The following LGSN variants were observed in gnomAD, a reference collection of about 807,000 sequenced individuals.
LGSN encodes the protein lengsin.
Under a neutral mutation model 19.5 loss-of-function variants are expected in LGSN, and 21 were observed. That is an observed-to-expected ratio of 1.07 (90% CI 0.76 to 1.55). The LOEUF (loss-of-function observed/expected upper bound fraction) is 1.55, where lower values mean the gene tolerates loss of function less well. Ranked by LOEUF, LGSN falls within the 40% of genes most tolerant of loss-of-function variation. LGSN has a pLI of 0.00. For missense variants in LGSN, 673 were observed against 608.5 expected, an observed-to-expected ratio of 1.11 and a Z score of -1.12; for synonymous variants, 257 against 215.6, an observed-to-expected ratio of 1.19 and a Z score of -1.68.
At chr6:63,386,430 G>C in the LGSN span, among the ~76,000 whole-genome samples, 2 of 151,834 alleles carry the variant, frequency 1.3e-5, no homozygotes, top group South Asian at 4.2e-4. Context: ...TTGCTTACTT[G>C]TTTGTTTGTT....
At chr6:63,338,319 TG>T in the LGSN span, among the ~76,000 whole-genome samples, 1 of 152,190 alleles carries the variant, frequency 6.6e-6, no homozygotes, top group Admixed American at 6.5e-5. Context: ...GGGTTTGGGT[TG>T]GGGGTACAGC....
the LGSN span, among the ~76,000 whole-genome samples, chr6:63,352,426 G>C: frequency 2.0e-5 from 3 of 152,126 alleles, no homozygotes; most frequent in Non-Finnish European, 4.4e-5. Context: ...CACTTTGGGA[G>C]GCTGAGGCAG....
the LGSN span, among the ~76,000 whole-genome samples, chr6:63,416,920 T>C: frequency 2.7e-5 from 2 of 73,334 alleles, no homozygotes; most frequent in East Asian, 4.0e-4. Flanking sequence ...TGTATGTACA[T>C]ACATATGTAT....
chr6:63,458,559 C>T, the LGSN span, among the ~76,000 whole-genome samples: 3 of 152,032 alleles, frequency 2.0e-5, no homozygotes, highest in Non-Finnish European at 2.9e-5. Context: ...AGTTGAAAGC[C>T]TGAAGATCTC....
chr6:63,572,333 G>C, the LGSN span: 1 of 261,692 alleles, frequency 3.8e-6, no homozygotes, highest in African/African-American at 2.2e-5. Context: ...GTTCACACCG[G>C]CGGCGGCCGC....
the LGSN span, among the ~76,000 whole-genome samples, chr6:63,417,238 C>T: frequency 2.0e-5 from 3 of 152,134 alleles, no homozygotes; most frequent in Non-Finnish European, 2.9e-5. Context: ...CAATTCCTTT[C>T]CATGGCTGCA....
chr6:63,495,567 A>C, the LGSN span, among the ~76,000 whole-genome samples: 1 of 139,982 alleles, frequency 7.1e-6, no homozygotes, highest in Non-Finnish European at 1.5e-5. Context: ...CTCCTGCCTC[A>C]GCCTCCCTAG....
the LGSN span, among the ~76,000 whole-genome samples, chr6:63,401,278 T>TGATCCCAGCTACTTGGGAGGCTGAGGTG: frequency 6.6e-6 from 1 of 151,680 alleles, no homozygotes; most frequent in Non-Finnish European, 1.5e-5. Flanking sequence ...CACATGCCTG[T>TGATCCCAGCTACTTGGGAGGCTGAGGTG]GATCCCAGCT....
At chr6:63,526,045 C>A in the LGSN span, among the ~76,000 whole-genome samples, 3 of 152,286 alleles carry the variant, frequency 2.0e-5, no homozygotes, top group Middle Eastern at 0.01. Flanking sequence ...AATTTCTAGG[C>A]CAGGCGCAGT....
At chr6:63,324,178 G>C (rs1769171721), upstream of LGSN, among the ~76,000 whole-genome samples, 3 of 152,192 alleles carry the variant, frequency 2.0e-5, no homozygotes, top group South Asian at 6.2e-4. Flanking sequence ...TACCATTACT[G>C]TGAAAATAAT....
chr6:63,360,878 A>G, the LGSN span, among the ~76,000 whole-genome samples: 3 of 152,210 alleles, frequency 2.0e-5, no homozygotes, highest in South Asian at 4.1e-4. Flanking sequence ...TCTAACAGTC[A>G]GCACCCTCAG....
intron 1 of LGSN, among the ~76,000 whole-genome samples, chr6:63,300,520 G>A (rs1768142630): frequency 1.3e-5 from 2 of 152,022 alleles, no homozygotes; most frequent in Admixed American, 6.6e-5. Context: ...ATAAAAATTA[G>A]CTAGGCACGG....
the LGSN span, among the ~76,000 whole-genome samples, chr6:63,534,098 C>G: frequency 6.6e-6 from 1 of 152,068 alleles, no homozygotes; most frequent in African/African-American, 2.4e-5. Flanking sequence ...CCACCTTGAC[C>G]TATCAAAGTA....
the LGSN span, among the ~76,000 whole-genome samples, chr6:63,420,340 G>T: frequency 6.6e-6 from 1 of 152,184 alleles, no homozygotes; most frequent in Non-Finnish European, 1.5e-5. Flanking sequence ...TGCTGATCCA[G>T]CTGGCCCTCA....
the LGSN span, among the ~76,000 whole-genome samples, chr6:63,402,148 GA>G: frequency 1.3e-5 from 2 of 152,156 alleles, no homozygotes; most frequent in Non-Finnish European, 2.9e-5. Flanking sequence ...TCTAAAGTGA[GA>G]AATTTGGCTC....
rs913111124 is a variant in LGSN at position 63,276,208 on chromosome 6, A to G, written c.*3813T>C. On this transcript the variant is annotated 3_prime_UTR_variant, in exon 4 of 4. Transcript: ENST00000370657. The stretch of plus-strand genomic sequence containing the variant: ...CAAACAGGTGACTGGAGATATGTCA[A>G]TAGACTGTTCTGTTTTACTGATAAG... 6.6e-6 allele frequency: 1 copy of G among 152,230 alleles called. No homozygotes were observed. The highest frequency in any genetic ancestry group is 2.4e-5 in the African/African-American group (1 of 41,456). The allele number at this position is 152,230 out of a possible 1,614,324, so 9.4% of individuals were successfully genotyped here. A position where few individuals can be genotyped will look rare whatever the true frequency, so the allele number is the denominator to read the frequency against.
chr6:63,324,934 C>T (rs138367670), upstream of LGSN, among the ~76,000 whole-genome samples: 87 of 151,706 alleles, frequency 5.7e-4, 1 homozygote, highest in East Asian at 0.014. Flanking sequence ...GGTGAAACCC[C>T]GTCCCTACTA....
At chr6:63,311,168 A>C (rs1315134115) in intron 1 of LGSN, among the ~76,000 whole-genome samples, 1 of 152,226 alleles carries the variant, frequency 6.6e-6, no homozygotes, top group East Asian at 1.9e-4. Flanking sequence ...AATTCTTTGA[A>C]GAAATTCTTC....
the LGSN span, among the ~76,000 whole-genome samples, chr6:63,430,306 G>A: frequency 6.6e-6 from 1 of 152,144 alleles, no homozygotes; most frequent in East Asian, 1.9e-4. Flanking sequence ...GCCTTGGGGT[G>A]AGAACAGCTG....
Sources: gnomAD v4.1 joint callset for allele counts (sites outside exome capture counted in the v4.1 genomes callset) on GRCh38, gnomAD v4.1.1 for gene constraint, MANE v1.5 for transcripts, NCBI Gene and HGNC (gene_info 2026-07-23, HGNC 2026-07-21) for gene names.